The following DAB1 variants were observed in gnomAD, a reference collection of about 807,000 sequenced individuals.
DAB1 encodes DAB adaptor protein 1, also known as disabled homolog 1.
In DAB1, 15 loss-of-function variants were observed where a neutral mutation model predicts 64.6. That is an observed-to-expected ratio of 0.23 (90% CI 0.16 to 0.36). DAB1 has a LOEUF of 0.36. Ranked by LOEUF, DAB1 falls within the 10% of genes least tolerant of loss-of-function variation. DAB1 has a pLI of 1.00. For missense variants in DAB1, 596 were observed against 706.7 expected (o/e 0.84, Z 1.78); for synonymous variants, 235 against 251.9 (o/e 0.93, Z 0.64).
chr1:57,627,514 T>G (rs184557256), intron 7 of DAB1, among the ~76,000 whole-genome samples: 4 of 152,350 alleles, frequency 2.6e-5, no homozygotes, highest in Admixed American at 2.0e-4. Flanking sequence ...ACAACTTTTG[T>G]GTACTCATGA....
Position 58,205,343 on chromosome 1 carries a change from T to A in DAB1, n.310-54755A>T, listed in dbSNP as rs78268221. 3.9e-3 allele frequency among the ~76,000 whole-genome samples: 590 copies of A among 152,254 alleles called. 20 individuals carry two copies. In the East Asian group the frequency reaches 0.075, roughly 19 times the overall value. ...TTCCCCTTTCCCCAAATCACCACCC[T>A]CCTAAGGTCTTTTTACTCCATGGCT... On this transcript the variant is annotated intron_variant and non_coding_transcript_variant, in intron 4 of 20. Transcript: ENST00000485760.
chr1:58,325,157 C>A (rs552124620), intron 4 of DAB1, among the ~76,000 whole-genome samples: 62 of 152,274 alleles, frequency 4.1e-4, no homozygotes, highest in Admixed American at 1.2e-3. Context: ...AGGTGATAAA[C>A]CCCAAGCCTA....
At chr1:58,324,272 G>T (rs769525753) in intron 4 of DAB1, among the ~76,000 whole-genome samples, 1 of 152,130 alleles carries the variant, frequency 6.6e-6, no homozygotes, top group Non-Finnish European at 1.5e-5. Context: ...TTCAGTAAAG[G>T]ATTACTGAGT....
chr1:57,204,356 G>T (rs986320650), intron 2 of DAB1, among the ~76,000 whole-genome samples: 4 of 151,144 alleles, frequency 2.6e-5, no homozygotes, highest in African/African-American at 4.9e-5. Flanking sequence ...AGTTACTCAG[G>T]CTCTTCCCTG....
intron 4 of DAB1, among the ~76,000 whole-genome samples, chr1:58,274,735 A>G (rs1423594434): frequency 2.0e-5 from 3 of 152,146 alleles, no homozygotes; most frequent in Non-Finnish European, 4.4e-5. Context: ...CCGGTCTGAA[A>G]AGCGCAATAT....
At chr1:58,301,024 G>A (rs1316100997) in intron 4 of DAB1, among the ~76,000 whole-genome samples, 2 of 152,080 alleles carry the variant, frequency 1.3e-5, no homozygotes, top group Non-Finnish European at 2.9e-5. Context: ...CAAAGGTGGA[G>A]TATAGGCTAC....
chr1:58,388,953 T>C (rs750650223), intron 3 of DAB1, among the ~76,000 whole-genome samples: 2 of 152,196 alleles, frequency 1.3e-5, no homozygotes, highest in Admixed American at 6.5e-5. Flanking sequence ...GCAATATCCA[T>C]GCTGCAAGGA....
chr1:58,365,472 G>A (rs1235799369), intron 3 of DAB1, among the ~76,000 whole-genome samples: 2 of 152,150 alleles, frequency 1.3e-5, no homozygotes, highest in African/African-American at 4.8e-5. Context: ...TCATGTGTCT[G>A]GTGACTGCGT....
intron 4 of DAB1, among the ~76,000 whole-genome samples, chr1:58,257,808 T>C (rs929810386): frequency 1.3e-5 from 2 of 152,166 alleles, no homozygotes; most frequent in African/African-American, 4.8e-5. Context: ...AAGTGACCCC[T>C]ATGAGGTTAT....
intron 1 of DAB1, among the ~76,000 whole-genome samples, chr1:57,291,720 C>CTTATG (rs1672790294): frequency 2.6e-5 from 4 of 152,162 alleles, no homozygotes; most frequent in African/African-American, 9.7e-5. Flanking sequence ...TCAGATTTTC[C>CTTATG]TCCAGCTATA....
intron 3 of DAB1, among the ~76,000 whole-genome samples, chr1:58,479,670 A>G (rs1645453663): frequency 2.0e-5 from 3 of 152,190 alleles, no homozygotes; most frequent in South Asian, 4.1e-4. Flanking sequence ...TATTGAAGCC[A>G]TATGTGGGGA....
At chr1:58,514,243 AT>A in intron 2 of DAB1, among the ~76,000 whole-genome samples, 1 of 152,282 alleles carries the variant, frequency 6.6e-6, no homozygotes, top group Admixed American at 6.5e-5. Context: ...TTGAGAAAGA[AT>A]TTGCTACTAT....
chr1:57,471,565 T>C (rs1319789121), intron 7 of DAB1, among the ~76,000 whole-genome samples: 1 of 152,174 alleles, frequency 6.6e-6, no homozygotes, highest in African/African-American at 2.4e-5. Context: ...ACAGGTCTTT[T>C]CCATGCTGTT....
chr1:57,858,530 GA>G (rs139312347), intron 1 of DAB1, among the ~76,000 whole-genome samples: 35,089 of 149,676 alleles, frequency 0.23, 4,792 homozygotes, highest in Non-Finnish European at 0.3. Flanking sequence ...AGATTTAACA[GA>G]AAAAAAAAGC....
intron 7 of DAB1, among the ~76,000 whole-genome samples, chr1:57,565,616 A>G (rs1645109807): frequency 6.6e-6 from 1 of 152,126 alleles, no homozygotes; most frequent in South Asian, 2.1e-4. Context: ...AAAGGCAGGG[A>G]TTGCAATCCT....
chr1:57,603,115 G>A (rs1271518544), intron 7 of DAB1, among the ~76,000 whole-genome samples: 1 of 152,146 alleles, frequency 6.6e-6, no homozygotes, highest in Non-Finnish European at 1.5e-5. Flanking sequence ...TAGGATTACA[G>A]GCATGCACCA....
intron 2 of DAB1, among the ~76,000 whole-genome samples, chr1:57,234,811 G>A (rs765373690): frequency 2.0e-5 from 3 of 152,204 alleles, no homozygotes; most frequent in Non-Finnish European, 4.4e-5. Context: ...CTGTAGGACT[G>A]AGCTATAGGA....
At chr1:57,291,471 A>C (rs1455516166) in intron 1 of DAB1, among the ~76,000 whole-genome samples, 3 of 152,166 alleles carry the variant, frequency 2.0e-5, no homozygotes, top group African/African-American at 7.2e-5. Flanking sequence ...TCCCAACCAG[A>C]ATATATAGCA....
At chr1:58,035,619 CA>C (rs958513827) in intron 5 of DAB1, among the ~76,000 whole-genome samples, 4 of 152,178 alleles carry the variant, frequency 2.6e-5, no homozygotes, top group African/African-American at 9.7e-5. Context: ...TAATCTAAAA[CA>C]TGTGTACTTC....
Sources: allele counts gnomAD v4.1 joint callset (sites outside exome capture counted in the v4.1 genomes callset), GRCh38; gene constraint gnomAD v4.1.1; transcripts MANE v1.5; gene names NCBI Gene and HGNC (gene_info 2026-07-23, HGNC 2026-07-21).